SPTLC2: variants seen among roughly 807,000 people sequenced by gnomAD.
SPTLC2 encodes serine palmitoyltransferase 2.
A neutral mutation model predicts 62.0 loss-of-function variants in SPTLC2; 21 were observed. That is an observed-to-expected ratio of 0.34 (90% CI 0.24 to 0.49). The LOEUF (loss-of-function observed/expected upper bound fraction) is 0.49, where lower values mean the gene tolerates loss of function less well. SPTLC2 is among the 20% of genes least tolerant of loss of function. The pLI, the probability that SPTLC2 is intolerant of heterozygous loss-of-function variation, is 0.99. For synonymous variants in SPTLC2, 261 were observed against 261.8 expected, an observed-to-expected ratio of 1.00 and a Z score of 0.03; for missense variants, 511 against 713.0, an observed-to-expected ratio of 0.72 and a Z score of 3.23.
At chr14:77,570,351 G>A (rs1432157841) in intron 5 of SPTLC2, 33 bp downstream of exon 5, 1 of 1,608,394 alleles carries the variant, frequency 6.2e-7, no homozygotes, top group Admixed American at 1.7e-5. Context: ...AGATATACAT[G>A]AGGGAGTTTT....
chr14:77,576,860 C>G lies in SPTLC2; in HGVS notation c.538G>C (p.Gly180Arg), dbSNP rs1250368224. ...VINMGSYNYLGFARNTGSCQE... is the reference protein window; with the variant it reads ...VINMGSYNYLRFARNTGSCQE... The stretch of plus-strand genomic sequence containing the variant: ...CATGATCCAGTATTCCGTGCAAATC[C>G]AAGATAGTTGTAGGAACCCATGTTT... Residue 180 changes from glycine to arginine, a missense_variant, in exon 4 of 12, where the codon GGA becomes CGA. Transcript: ENST00000216484. The G allele has an allele frequency of 3.1e-6, 5 of 1,614,100 alleles. No homozygotes were observed. The highest frequency in any genetic ancestry group is 4.2e-6 in the Non-Finnish European group (5 of 1,180,010).
chr14:77,562,332 C>T, intron 6 of SPTLC2, 64 bp downstream of exon 6: 1 of 1,374,764 alleles, frequency 7.3e-7, no homozygotes, highest in South Asian at 1.2e-5. Flanking sequence ...CTAATGTTAA[C>T]TCCCACCATG....
At chr14:77,605,156 A>C (rs2079898565) in intron 1 of SPTLC2, among the ~76,000 whole-genome samples, 1 of 151,282 alleles carries the variant, frequency 6.6e-6, no homozygotes, top group Admixed American at 6.6e-5. Flanking sequence ...AGACTATACA[A>C]GTGCCCGCCA....
intron 1 of SPTLC2, 128 bp downstream of exon 1, chr14:77,616,320 G>A: frequency 2.1e-6 from 1 of 477,234 alleles, no homozygotes; most frequent in Non-Finnish European, 3.1e-6. Context: ...GGACACTGCC[G>A]CCCACACCTG....
At chr14:77,558,197 G>A (rs1359328792) in intron 6 of SPTLC2, among the ~76,000 whole-genome samples, 1 of 151,978 alleles carries the variant, frequency 6.6e-6, no homozygotes, top group Admixed American at 6.6e-5. Flanking sequence ...ACCAGCACCC[G>A]CCATCACGCC....
intron 10 of SPTLC2, among the ~76,000 whole-genome samples, chr14:77,518,679 T>C (rs1372886373): frequency 2.6e-5 from 4 of 152,174 alleles, no homozygotes; most frequent in African/African-American, 9.7e-5. Context: ...AATCTGGTCC[T>C]TGAAATGTTA....
intron 1 of SPTLC2, among the ~76,000 whole-genome samples, chr14:77,601,423 C>A (rs2079876753): frequency 6.6e-6 from 1 of 152,192 alleles, no homozygotes; most frequent in African/African-American, 2.4e-5. Flanking sequence ...AACTCCACCG[C>A]CTATCCCAAA....
intron 9 of SPTLC2, among the ~76,000 whole-genome samples, chr14:77,549,502 TC>T (rs1045518909): frequency 6.6e-6 from 1 of 152,174 alleles, no homozygotes; most frequent in Non-Finnish European, 1.5e-5. Flanking sequence ...TGAGCCTGGC[TC>T]CAAGTCACTC....
chr14:77,543,581 C>T (rs1475624895), intron 9 of SPTLC2, among the ~76,000 whole-genome samples: 3 of 152,056 alleles, frequency 2.0e-5, no homozygotes, highest in Non-Finnish European at 4.4e-5. Context: ...TGGGCAAGGC[C>T]ATTTGTAGGT....
At chr14:77,513,895 CAAAAAAA>C (rs35769140) in intron 11 of SPTLC2, among the ~76,000 whole-genome samples, 10 of 106,248 alleles carry the variant, frequency 9.4e-5, no homozygotes, top group African/African-American at 2.6e-4. Context: ...AACTCTGTCT[CAAAAAAA>C]AAAAAAAAAA....
rs1248593674 is a variant in SPTLC2, at chr14:77,512,053, G to A, written c.*231C>T. 2 of 578,122 alleles carry A rather than the reference G, an allele frequency of 3.5e-6. No homozygotes were observed. Among genetic ancestry groups the A allele is most frequent in the Non-Finnish European group, 6.1e-6 (2 of 328,052 alleles). 35.8% of individuals were successfully genotyped at this position (578,122 alleles called of 1,614,324 possible). ...AATGTTTTTTTAATGGACTGAAAAAGCAAAGTGAGTCACCTTCGTTTTTAA... is the reference window on the plus strand; with the variant it reads ...AATGTTTTTTTAATGGACTGAAAAAACAAAGTGAGTCACCTTCGTTTTTAA... On this transcript the variant is annotated 3_prime_UTR_variant, in exon 12 of 12. Coordinates refer to ENST00000216484, the MANE Select transcript of SPTLC2 (RefSeq NM_004863.4).
At chr14:77,559,512 G>A (rs939608320) in intron 6 of SPTLC2, among the ~76,000 whole-genome samples, 9 of 152,198 alleles carry the variant, frequency 5.9e-5, no homozygotes, top group South Asian at 2.1e-4. Context: ...TGTAAAATCC[G>A]AAAGTCGTAA....
At chr14:77,566,408 C>G (rs2079645079) in intron 5 of SPTLC2, among the ~76,000 whole-genome samples, 2 of 152,202 alleles carry the variant, frequency 1.3e-5, no homozygotes, top group Admixed American at 6.5e-5. Context: ...TATTATCACT[C>G]CCACTTTACA....
chr14:77,550,467 G>A (rs916082665), intron 9 of SPTLC2, among the ~76,000 whole-genome samples: 16 of 152,106 alleles, frequency 1.1e-4, no homozygotes, highest in Non-Finnish European at 1.5e-4. Flanking sequence ...CCAGCTACTC[G>A]GGAAGGCTGA....
In SPTLC2 at chr14:77,557,095, G is replaced by T; in HGVS notation, c.902C>A (p.Pro301His). 3 of 1,613,892 alleles carry T rather than the reference G, an allele frequency of 1.9e-6. No homozygotes were observed. Among genetic ancestry groups the T allele is most frequent in the Non-Finnish European group, 2.5e-6 (3 of 1,180,026 alleles). ...TTTCTTCCAGGGCCTTCGTGTCCGA[G>T]GCTGACCATAAACAATGGCATCTTT... Reference protein sequence around the residue: ...LLKDAIVYGQPRTRRPWKKIL... With the variant: ...LLKDAIVYGQHRTRRPWKKIL... Residue 301 changes from proline (P) to histidine (H), a missense_variant, in exon 7 of 12, where the codon CCT (proline) becomes CAT (histidine). Pro to His is a moderately conservative substitution (Grantham distance 77, BLOSUM62 -2). Transcript: ENST00000216484.
chr14:77,535,897 T>C (rs2079467229), intron 9 of SPTLC2: 2 of 445,282 alleles, frequency 4.5e-6, no homozygotes, highest in African/African-American at 2.0e-5. Flanking sequence ...TCAAAGATAT[T>C]AAGGAAGCAT....
chr14:77,531,469 T>TCCTCCTCCTCCC (rs2079439274), intron 9 of SPTLC2, among the ~76,000 whole-genome samples: 1 of 105,776 alleles, frequency 9.5e-6, no homozygotes, highest in Non-Finnish European at 1.9e-5. Context: ...CTCCTCCTCC[T>TCCTCCTCCTCCC]CCTCCCCCTC....
intron 4 of SPTLC2, among the ~76,000 whole-genome samples, chr14:77,574,128 T>G (rs1005753287): frequency 2.0e-5 from 3 of 152,178 alleles, no homozygotes; most frequent in African/African-American, 7.2e-5. Context: ...ATTTTTGTTG[T>G]TTTAAGTCAC....
intron 5 of SPTLC2, among the ~76,000 whole-genome samples, chr14:77,570,098 C>T (rs1203375077): frequency 6.6e-6 from 1 of 150,980 alleles, no homozygotes; most frequent in Non-Finnish European, 1.5e-5. Flanking sequence ...TGGCACACAG[C>T]TGTAGTCCCA....
Sources: allele counts gnomAD v4.1 joint callset (sites outside exome capture counted in the v4.1 genomes callset), GRCh38; gene constraint gnomAD v4.1.1; transcripts MANE v1.5; gene names NCBI Gene and HGNC (gene_info 2026-07-23, HGNC 2026-07-21).